Variants in PLCXD3 observed in about 807,000 individuals in gnomAD.
PLCXD3 encodes the protein PI-PLC X domain-containing protein 3.
A neutral mutation model predicts 25.5 loss-of-function variants in PLCXD3; 19 were observed. That is an observed-to-expected ratio of 0.75 (90% CI 0.52 to 1.09). PLCXD3 has a LOEUF of 1.09. PLCXD3 is among the 50% of genes least tolerant of loss of function. The pLI is 0.00. For missense variants in PLCXD3, 411 were observed against 388.1 expected, an observed-to-expected ratio of 1.06 and a Z score of -0.50; for synonymous variants, 174 against 137.6, an observed-to-expected ratio of 1.26 and a Z score of -1.85.
chr5:41,490,488 TG>T (rs1168900265), intron 1 of PLCXD3, among the ~76,000 whole-genome samples: 1 of 152,200 alleles, frequency 6.6e-6, no homozygotes, highest in African/African-American at 2.4e-5. Context: ...TTCTATTGTT[TG>T]GAATAGTTTC....
chr5:41,346,039 C>A (rs1400479888), intron 2 of PLCXD3, among the ~76,000 whole-genome samples: 1 of 152,150 alleles, frequency 6.6e-6, no homozygotes, highest in Non-Finnish European at 1.5e-5. Flanking sequence ...ACCACCACGC[C>A]TGGCTAATTT....
intron 1 of PLCXD3, among the ~76,000 whole-genome samples, chr5:41,416,741 A>G (rs558096372): frequency 6.6e-6 from 1 of 152,320 alleles, no homozygotes; most frequent in South Asian, 2.1e-4. Context: ...GAGAACATTC[A>G]AGAACCATCA....
intron 1 of PLCXD3, among the ~76,000 whole-genome samples, chr5:41,473,005 A>G (rs1452368095): frequency 6.6e-6 from 1 of 152,202 alleles, no homozygotes; most frequent in Non-Finnish European, 1.5e-5. Flanking sequence ...ATAAAATTAT[A>G]AGCCTCTCCT....
chr5:41,415,885 G>A lies in PLCXD3; in HGVS notation c.104-33351C>T, dbSNP rs201423272. Among the ~76,000 whole-genome samples, 16 of 152,266 alleles carry A rather than the reference G, an allele frequency of 1.1e-4. No individual in the cohort carries two copies. In the East Asian group the frequency reaches 3.1e-3, roughly 29 times the overall value. On this transcript the variant is annotated intron_variant, in intron 1 of 2. Coordinates refer to ENST00000377801, the MANE Select transcript of PLCXD3 (RefSeq NM_001005473.3). Reference sequence around the variant, plus strand: ...TTCAAGGAGAGTTTATAATGGAACTGTGTGGATAGGATGTAGGGAAACTAC... The same window carrying A: ...TTCAAGGAGAGTTTATAATGGAACTATGTGGATAGGATGTAGGGAAACTAC...
At chr5:41,359,976 C>T (rs1744727869) in intron 2 of PLCXD3, among the ~76,000 whole-genome samples, 1 of 152,064 alleles carries the variant, frequency 6.6e-6, no homozygotes, top group Admixed American at 6.6e-5. Context: ...ACCAATTATT[C>T]TTAGGTTTGG....
At chr5:41,374,441 A>G (rs538836165) in intron 2 of PLCXD3, among the ~76,000 whole-genome samples, 32 of 152,260 alleles carry the variant, frequency 2.1e-4, no homozygotes, top group Admixed American at 1.5e-3. Flanking sequence ...CTGGCTTATA[A>G]CATCATCCGA....
intron 1 of PLCXD3, among the ~76,000 whole-genome samples, chr5:41,461,468 T>C (rs774494435): frequency 5.9e-5 from 9 of 151,982 alleles, no homozygotes; most frequent in Non-Finnish European, 1.2e-4. Context: ...TGGAATTTTA[T>C]TTTTCTCTCC....
At chr5:41,431,041 T>C (rs1248855036) in intron 1 of PLCXD3, among the ~76,000 whole-genome samples, 2 of 152,214 alleles carry the variant, frequency 1.3e-5, no homozygotes, top group African/African-American at 4.8e-5. Context: ...AATTCTTTAC[T>C]GAGAAACTTA....
rs188342164 is a variant in PLCXD3, at chr5:41,351,753, T to C, written c.812+30073A>G. Among the ~76,000 whole-genome samples the C allele has an allele frequency of 5.9e-5, 9 of 152,336 alleles. No homozygotes were observed. In the East Asian group the frequency reaches 1.5e-3, roughly 26 times the overall value. The stretch of plus-strand genomic sequence containing the variant: ...CATTGATTCAATGAATAAGAAATAT[T>C]AATGATAGTACTATTGCCTATCATA... On this transcript the variant is annotated intron_variant, in intron 2 of 2. Transcript: ENST00000377801.
At chr5:41,434,523 A>T (rs1747191086) in intron 1 of PLCXD3, among the ~76,000 whole-genome samples, 1 of 152,216 alleles carries the variant, frequency 6.6e-6, no homozygotes, top group Non-Finnish European at 1.5e-5. Context: ...ACCCCCAGGT[A>T]CTTGCCTTTT....
intron 1 of PLCXD3, among the ~76,000 whole-genome samples, chr5:41,394,580 C>T (rs1459827611): frequency 6.6e-6 from 1 of 151,676 alleles, no homozygotes; most frequent in Non-Finnish European, 1.5e-5. Context: ...CACACTTTAC[C>T]CATAAAGTCC....
At chr5:41,318,784 C>T (rs1743374310) in intron 2 of PLCXD3, among the ~76,000 whole-genome samples, 1 of 152,062 alleles carries the variant, frequency 6.6e-6, no homozygotes, top group Non-Finnish European at 1.5e-5. Context: ...CTAAACTCTC[C>T]AATCAAAAGA....
intron 2 of PLCXD3, among the ~76,000 whole-genome samples, chr5:41,357,606 C>T (rs942464981): frequency 3.3e-5 from 5 of 152,150 alleles, no homozygotes; most frequent in South Asian, 2.1e-4. Flanking sequence ...TCAAACTTGA[C>T]GTGACACTAA....
At chr5:41,403,409 T>TTTTTTTTTTGTTTTTG (rs1367034160) in intron 1 of PLCXD3, among the ~76,000 whole-genome samples, 7 of 39,706 alleles carry the variant, frequency 1.8e-4, no homozygotes, top group African/African-American at 2.6e-4. Flanking sequence ...TTGTTTTTTT[T>TTTTTTTTTTGTTTTTG]TTTTTTTATT....
At chr5:41,353,083 G>A (rs1427074951) in intron 2 of PLCXD3, among the ~76,000 whole-genome samples, 2 of 150,584 alleles carry the variant, frequency 1.3e-5, no homozygotes, top group Non-Finnish European at 3.0e-5. Context: ...CCAACATGTT[G>A]CACACTCAGC....
At chr5:41,402,808 A>C (rs942523703) in intron 1 of PLCXD3, among the ~76,000 whole-genome samples, 20 of 99,810 alleles carry the variant, frequency 2.0e-4, no homozygotes, top group African/African-American at 6.0e-4. Context: ...GTTTCTTTTT[A>C]TCATTAGTAG....
chr5:41,420,667 T>C (rs1182170432), intron 1 of PLCXD3, among the ~76,000 whole-genome samples: 1 of 152,236 alleles, frequency 6.6e-6, no homozygotes, highest in Non-Finnish European at 1.5e-5. Context: ...GACAAGTGAC[T>C]GGCACCTCCA....
At chr5:41,457,999 A>G (rs908310161) in intron 1 of PLCXD3, among the ~76,000 whole-genome samples, 13 of 151,936 alleles carry the variant, frequency 8.6e-5, no homozygotes, top group African/African-American at 2.7e-4. Flanking sequence ...AGAAGCACCA[A>G]GTTTAACTTA....
chr5:41,412,349 C>CT (rs5867554), intron 1 of PLCXD3, among the ~76,000 whole-genome samples: 140,225 of 152,218 alleles, frequency 0.92, 65,028 homozygotes, highest in African/African-American at 0.96. Context: ...GTATGTGTTT[C>CT]GAGTTATCTC....
Sources: gnomAD v4.1 joint callset for allele counts (sites outside exome capture counted in the v4.1 genomes callset) on GRCh38, gnomAD v4.1.1 for gene constraint, MANE v1.5 for transcripts, NCBI Gene and HGNC (gene_info 2026-07-23, HGNC 2026-07-21) for gene names.